Variants in CDC73 observed in about 807,000 individuals in gnomAD.
CDC73 encodes cell division cycle 73.
Under a neutral mutation model 83.7 loss-of-function variants are expected in CDC73, and 21 were observed. That is an observed-to-expected ratio of 0.25 (90% CI 0.18 to 0.36). CDC73 has a LOEUF of 0.36. Among genes scored for constraint, CDC73 ranks in the 10% least tolerant of loss-of-function variants. The pLI, the probability that CDC73 is intolerant of heterozygous loss-of-function variation, is 1.00. For missense variants in CDC73, 342 were observed against 653.3 expected (o/e 0.52, Z 5.19); for synonymous variants, 224 against 212.9 (o/e 1.05, Z -0.45).
At chr1:193,123,941 C>CA (rs1675515734) in intron 1 of CDC73, among the ~76,000 whole-genome samples, 1 of 152,298 alleles carries the variant, frequency 6.6e-6, no homozygotes, top group East Asian at 1.9e-4. Context: ...AGTTCACATC[C>CA]AACAAAGTTT....
At chr1:193,238,637 C>T (rs1160514428) in intron 15 of CDC73, among the ~76,000 whole-genome samples, 3 of 152,200 alleles carry the variant, frequency 2.0e-5, no homozygotes, top group African/African-American at 7.2e-5. Context: ...CCCAAACATA[C>T]ATACTAATAG....
chr1:193,199,936 A>G (rs967552804), intron 10 of CDC73, among the ~76,000 whole-genome samples: 1 of 151,892 alleles, frequency 6.6e-6, no homozygotes, highest in East Asian at 1.9e-4. Flanking sequence ...TATGTTCTAT[A>G]TATGTTTTCT....
At chr1:193,222,732 C>T (rs945395174) in intron 13 of CDC73, among the ~76,000 whole-genome samples, 1 of 143,568 alleles carries the variant, frequency 7.0e-6, no homozygotes, top group Admixed American at 7.0e-5. Flanking sequence ...AAGTCTTGGT[C>T]GTTTTGATAA....
intron 8 of CDC73, 69 bp downstream of exon 8, chr1:193,148,034 T>C: frequency 1.0e-6 from 1 of 982,218 alleles, no homozygotes; most frequent in Non-Finnish European, 1.6e-6. Context: ...GTAGTAACGT[T>C]GAAGACATCT....
intron 10 of CDC73, among the ~76,000 whole-genome samples, chr1:193,175,047 T>C (rs1676578997): frequency 6.6e-6 from 1 of 152,166 alleles, no homozygotes; most frequent in African/African-American, 2.4e-5. Flanking sequence ...ATAGAAGGTA[T>C]GAATGGGATC....
chr1:193,175,001 A>G (rs1572176010), intron 10 of CDC73, among the ~76,000 whole-genome samples: 1 of 152,228 alleles, frequency 6.6e-6, no homozygotes, highest in African/African-American at 2.4e-5. Context: ...TTTCTTTTAA[A>G]TAAGTCTCGA....
chr1:193,181,015 A>G lies in CDC73; in HGVS notation c.973-22780A>G, dbSNP rs866111890. On this transcript the variant is annotated intron_variant, in intron 10 of 16. Transcript: ENST00000367435. ...CAACAAAAATATTCTTGTGATTTGA[A>G]TACCAGGTGCTAGACTTTCATTGCC... The G allele has an allele frequency of 6.2e-7, 1 of 1,613,720 alleles. No individual in the cohort carries two copies.
At chr1:193,146,467 GAAGGCAGAAGC>G (rs1480123584) in intron 7 of CDC73, among the ~76,000 whole-genome samples, 1 of 149,704 alleles carries the variant, frequency 6.7e-6, no homozygotes, top group African/African-American at 2.5e-5. Flanking sequence ...TTTCATGGCA[GAAGGCAGAAGC>G]AAGCAAGCAA....
chr1:193,185,835 C>T (rs1420861802), intron 10 of CDC73, among the ~76,000 whole-genome samples: 1 of 152,116 alleles, frequency 6.6e-6, no homozygotes, highest in Non-Finnish European at 1.5e-5. Flanking sequence ...ACATATTTAG[C>T]TGCATAAAGC....
intron 14 of CDC73, among the ~76,000 whole-genome samples, chr1:193,234,067 G>T (rs1677706556): frequency 6.7e-6 from 1 of 148,742 alleles, no homozygotes; most frequent in Non-Finnish European, 1.5e-5. Context: ...CAACCAGGGG[G>T]CACTGCAATT....
At chr1:193,134,330 A>G (rs1172086882) in intron 3 of CDC73, among the ~76,000 whole-genome samples, 1 of 152,150 alleles carries the variant, frequency 6.6e-6, no homozygotes, top group Non-Finnish European at 1.5e-5. Flanking sequence ...CTAGTTAAAT[A>G]AATTGTAGTT....
At chr1:193,190,196 C>A (rs902682620) in intron 10 of CDC73, among the ~76,000 whole-genome samples, 1 of 152,216 alleles carries the variant, frequency 6.6e-6, no homozygotes. Flanking sequence ...TTCCACCATA[C>A]CACTCTGAAA....
At chr1:193,226,662 A>G (rs1455566636) in intron 13 of CDC73, among the ~76,000 whole-genome samples, 2 of 152,220 alleles carry the variant, frequency 1.3e-5, no homozygotes, top group East Asian at 1.9e-4. Flanking sequence ...CATCCTTGGT[A>G]TGAAACCCAT....
intron 3 of CDC73, among the ~76,000 whole-genome samples, chr1:193,132,895 A>ATTTT (rs781435930): frequency 2.5e-4 from 28 of 113,190 alleles, no homozygotes; most frequent in East Asian, 1.7e-3. Flanking sequence ...TTTCCTGTAG[A>ATTTT]TTTTTTTTTT....
intron 3 of CDC73, among the ~76,000 whole-genome samples, chr1:193,133,864 A>G (rs905689847): frequency 6.6e-6 from 1 of 152,138 alleles, no homozygotes; most frequent in African/African-American, 2.4e-5. Context: ...GCTTAATATC[A>G]TTTATAATAA....
At chr1:193,246,011 G>A (rs1226246706) in intron 15 of CDC73, among the ~76,000 whole-genome samples, 1 of 151,918 alleles carries the variant, frequency 6.6e-6, no homozygotes, top group Non-Finnish European at 1.5e-5. Context: ...TAAGTTTCTA[G>A]TATATTCTGA....
intron 10 of CDC73, among the ~76,000 whole-genome samples, chr1:193,162,403 C>T (rs1412108432): frequency 6.9e-6 from 1 of 145,126 alleles, no homozygotes; most frequent in Non-Finnish European, 1.5e-5. Flanking sequence ...GACAGAGTCT[C>T]ACTCTGTCGC....
At chr1:193,232,080 C>T (rs1677671474) in intron 13 of CDC73, among the ~76,000 whole-genome samples, 1 of 152,002 alleles carries the variant, frequency 6.6e-6, no homozygotes, top group Admixed American at 6.5e-5. Flanking sequence ...GAATATCTGT[C>T]TTGAGAATGG....
rs187516905 is a variant in CDC73, at chr1:193,228,529, A to G, written c.1155-4464A>G. On this transcript the variant is annotated intron_variant, in intron 13 of 16. Coordinates refer to ENST00000367435, the MANE Select transcript of CDC73 (RefSeq NM_024529.5). ...TAATGGAGATTGCTTAAATGGGGCT[A>G]TACTATTTTCGACAAAGACATCAAT... 3.7e-4 allele frequency among the ~76,000 whole-genome samples: 57 copies of G among 152,332 alleles called. 1 individual carries two copies. Among genetic ancestry groups the G allele is most frequent in the Admixed American group, 3.1e-3 (47 of 15,298 alleles).
Sources: allele counts gnomAD v4.1 joint callset (sites outside exome capture counted in the v4.1 genomes callset), GRCh38; gene constraint gnomAD v4.1.1; transcripts MANE v1.5; gene names NCBI Gene and HGNC (gene_info 2026-07-23, HGNC 2026-07-21).